SLC6A5: variants seen among roughly 807,000 people sequenced by gnomAD.
SLC6A5 encodes the protein sodium- and chloride-dependent glycine transporter 2.
A neutral mutation model predicts 90.5 loss-of-function variants in SLC6A5; 58 were observed. The observed-to-expected ratio is 0.64, with a 90% CI of 0.52 to 0.80. SLC6A5 has a LOEUF of 0.80. SLC6A5 is among the 30% of genes least tolerant of loss of function. The pLI is 0.00. For missense variants in SLC6A5, 1,015 were observed against 1,017.6 expected, an observed-to-expected ratio of 1.00 and a Z score of 0.03; for synonymous variants, 427 against 401.4, an observed-to-expected ratio of 1.06 and a Z score of -0.76.
At position 20,657,467 on chromosome 11, in the gene SLC6A5, G is replaced by T. The variant is rs942301721; in HGVS notation, c.*2599G>T. The T allele has an allele frequency of 3.3e-5, 5 of 151,978 alleles. No individual in the cohort carries two copies. Among genetic ancestry groups the T allele is most frequent in the Non-Finnish European group, 7.4e-5 (5 of 68,002 alleles). The allele number at this position is 151,978 out of a possible 1,614,324, so 9.4% of individuals were successfully genotyped here. A position where few individuals can be genotyped will look rare whatever the true frequency, so the allele number is the denominator to read the frequency against. ...TTTAAAGGGACACGCTTAGGTGAAA[G>T]GTTCCAAATTTACCTGGAAATGGTT... is the stretch of plus-strand genomic sequence containing the variant. On this transcript the variant is annotated 3_prime_UTR_variant, in exon 16 of 16. Transcript: ENST00000525748.
intron 10 of SLC6A5, among the ~76,000 whole-genome samples, chr11:20,634,153 A>G (rs1305905616): frequency 6.6e-6 from 1 of 152,166 alleles, no homozygotes; most frequent in Non-Finnish European, 1.5e-5. Flanking sequence ...TACAGGCGTG[A>G]GCCACCGCAC....
At chr11:20,630,374 G>A (rs1012305360) in intron 9 of SLC6A5, among the ~76,000 whole-genome samples, 2 of 152,212 alleles carry the variant, frequency 1.3e-5, no homozygotes, top group African/African-American at 4.8e-5. Flanking sequence ...CTATCAAATT[G>A]TGGATTAAGT....
chr11:20,614,543 A>G, intron 5 of SLC6A5, 136 bp from the exon 6 acceptor site: 1 of 824,600 alleles, frequency 1.2e-6, no homozygotes, highest in Non-Finnish European at 2.0e-6. Context: ...GGCTTTGCCC[A>G]GTTAATCCTT....
rs1449304589 is a variant in SLC6A5 at position 20,638,701 on chromosome 11, G to T, written c.1969+143G>T. The stretch of plus-strand genomic sequence containing the variant: ...GGAAACCTAAGAGAGCTGCACTTTT[G>T]TTTCTAAACTTGCCTCACGACCACT... On this transcript the variant is annotated intron_variant, in intron 13 of 15. Transcript: ENST00000525748. 8 of 696,422 alleles carry T rather than the reference G, an allele frequency of 1.1e-5. No homozygotes were observed. In the African/African-American group the frequency reaches 1.2e-4, roughly 11 times the overall value. The allele number at this position is 696,422 out of a possible 1,614,324, so 43.1% of individuals were successfully genotyped here.
At chr11:20,649,758 G>A (rs1248492449) in intron 14 of SLC6A5, among the ~76,000 whole-genome samples, 3 of 152,156 alleles carry the variant, frequency 2.0e-5, no homozygotes, top group African/African-American at 7.2e-5. Context: ...AGTTATGCAT[G>A]CACATAAGCA....
In SLC6A5 at chr11:20,627,873, C is replaced by T. The variant is rs142247855; in HGVS notation, c.1396-107C>T. 3.8e-5 allele frequency: 31 copies of T among 811,256 alleles called. No individual in the cohort carries two copies. The African/African-American group carries it at 4.4e-4, about 11-fold the overall frequency. The allele number at this position is 811,256 out of a possible 1,614,324, so 50.3% of individuals were successfully genotyped here. The stretch of plus-strand genomic sequence containing the variant: ...TGTTGATGTCGGGGGTCATCTTGTC[C>T]CTGATGTTTCCCCTGGAAACATGAT... On this transcript the variant is annotated intron_variant, in intron 8 of 15. Transcript: ENST00000525748.
intron 2 of SLC6A5, 62 bp downstream of exon 2, chr11:20,601,727 G>A: frequency 1.3e-6 from 2 of 1,550,042 alleles, no homozygotes; most frequent in South Asian, 2.3e-5. Context: ...AGAGAGGCCA[G>A]CCGGGCCGTG....
chr11:20,641,611 A>G (rs1853315780), intron 13 of SLC6A5, among the ~76,000 whole-genome samples: 1 of 152,178 alleles, frequency 6.6e-6, no homozygotes, highest in Non-Finnish European at 1.5e-5. Flanking sequence ...TTATGTTTTT[A>G]TCTGAAATGT....
chr11:20,626,875 G>T (rs375800952), intron 8 of SLC6A5, 33 bp downstream of exon 8: 3 of 1,601,036 alleles, frequency 1.9e-6, no homozygotes, highest in African/African-American at 1.3e-5. Context: ...AACCAGCCCT[G>T]GGGGAGTGGC....
chr11:20,652,523 T>G, intron 15 of SLC6A5, 67 bp downstream of exon 15: 1 of 1,464,818 alleles, frequency 6.8e-7, no homozygotes, highest in Non-Finnish European at 9.6e-7. Flanking sequence ...CTCTGCATGT[T>G]AAAAAACAAA....
At chr11:20,644,958 T>C (rs1853383041) in intron 13 of SLC6A5, among the ~76,000 whole-genome samples, 1 of 151,354 alleles carries the variant, frequency 6.6e-6, no homozygotes, top group Non-Finnish European at 1.5e-5. Context: ...ATTACAGGCA[T>C]GCGTCACCAT....
At position 20,654,597 on chromosome 11, in the gene SLC6A5, C is replaced by T. The variant is rs1853604915; in HGVS notation, c.2239-116C>T. 7.9e-6 allele frequency: 8 copies of T among 1,011,198 alleles called. 1 individual carries two copies. The South Asian group carries it at 1.0e-4, about 13-fold the overall frequency. The allele number at this position is 1,011,198 out of a possible 1,614,324, so 62.6% of individuals were successfully genotyped here. On this transcript the variant is annotated intron_variant, in intron 15 of 15. Coordinates refer to ENST00000525748, the MANE Select transcript of SLC6A5 (RefSeq NM_004211.5). ...CCTCTCTTGGTAGAGGGCCTCTTGG[C>T]TCAAGCAAGGACTCTGGTCAAAGTG...
intron 12 of SLC6A5, 25 bp from the exon 13 acceptor site, chr11:20,638,434 A>G (rs1853250901): frequency 3.5e-6 from 5 of 1,422,448 alleles, no homozygotes; most frequent in African/African-American, 2.8e-5. Context: ...CGCATTTGAT[A>G]TTGGTTGTTT....
intron 13 of SLC6A5, among the ~76,000 whole-genome samples, chr11:20,645,229 C>T (rs1404324642): frequency 6.6e-6 from 1 of 152,110 alleles, no homozygotes; most frequent in Non-Finnish European, 1.5e-5. Flanking sequence ...ATCCATCCTT[C>T]CCCACTTCCA....
rs1033744175 is a variant in SLC6A5 at position 20,655,650 on chromosome 11, G to T, written c.*782G>T. On this transcript the variant is annotated 3_prime_UTR_variant, in exon 16 of 16. Coordinates refer to ENST00000525748, the MANE Select transcript of SLC6A5 (RefSeq NM_004211.5). ...ATATAAGTTGTGCCTCATTTTGTAC[G>T]TTCATAGTAGAGCTCCATGCTCATT... The T allele has an allele frequency of 6.6e-6, 1 of 152,314 alleles. No individual in the cohort carries two copies. Among genetic ancestry groups the T allele is most frequent in the Non-Finnish European group, 1.5e-5 (1 of 68,220 alleles). The allele number at this position is 152,314 out of a possible 1,614,324, so 9.4% of individuals were successfully genotyped here. A position where few individuals can be genotyped will look rare whatever the true frequency, so the allele number is the denominator to read the frequency against.
rs1853032179 is a variant in SLC6A5, at chr11:20,627,974, T to C, written c.1396-6T>C. On this transcript the variant is annotated splice_region_variant and splice_polypyrimidine_tract_variant and intron_variant, in intron 8 of 15. Coordinates refer to ENST00000525748, the MANE Select transcript of SLC6A5 (RefSeq NM_004211.5). ...GTCTTGAATCTCTTTCCCTTTTGCCTCTCAGGTGTGGAAAGATGCTGCCAC... is the reference window on the plus strand; with the variant it reads ...GTCTTGAATCTCTTTCCCTTTTGCCCCTCAGGTGTGGAAAGATGCTGCCAC... The C allele has an allele frequency of 2.5e-6, 4 of 1,611,774 alleles. No homozygotes were observed. The South Asian group carries it at 4.4e-5, about 18-fold the overall frequency.
chr11:20,644,905 G>A (rs1853381647), intron 13 of SLC6A5, among the ~76,000 whole-genome samples: 2 of 151,610 alleles, frequency 1.3e-5, no homozygotes, highest in African/African-American at 2.4e-5. Flanking sequence ...TCTGCCTCCC[G>A]GGTTCAAATG....
chr11:20,642,882 G>C (rs186173964), intron 13 of SLC6A5, among the ~76,000 whole-genome samples: 9 of 152,186 alleles, frequency 5.9e-5, no homozygotes, highest in African/African-American at 9.6e-5. Context: ...TCTTTCCGGG[G>C]TCCAAACTGG....
intron 5 of SLC6A5, 60 bp downstream of exon 5, chr11:20,607,712 A>T: frequency 7.4e-7 from 1 of 1,353,796 alleles, no homozygotes; most frequent in Non-Finnish European, 1.1e-6. Context: ...TTATTCAGCA[A>T]AATAATTGAA....
Sources: gnomAD v4.1 joint callset for allele counts (sites outside exome capture counted in the v4.1 genomes callset) on GRCh38, gnomAD v4.1.1 for gene constraint, MANE v1.5 for transcripts, NCBI Gene and HGNC (gene_info 2026-07-23, HGNC 2026-07-21) for gene names.